The following ZFHX2 variants were observed in gnomAD, a reference collection of about 807,000 sequenced individuals.
ZFHX2 encodes the protein zinc finger homeobox protein 2.
A neutral mutation model predicts 164.8 loss-of-function variants in ZFHX2; 75 were observed. The ratio of observed to expected loss-of-function variants is 0.46; its 90% CI spans 0.38 to 0.55. The LOEUF is 0.55. Ranked by LOEUF, ZFHX2 falls within the 20% of genes least tolerant of loss-of-function variation. ZFHX2 has a pLI of 0.00. For missense variants in ZFHX2, 2,933 were observed against 3,308.0 expected (o/e 0.89, Z 2.78); for synonymous variants, 1,217 against 1,351.4 (o/e 0.90, Z 2.18).
intron 1 of ZFHX2, among the ~76,000 whole-genome samples, chr14:23,541,639 A>C (rs1005173865): frequency 6.6e-6 from 1 of 152,144 alleles, no homozygotes; most frequent in Non-Finnish European, 1.5e-5. Flanking sequence ...AGCCCTCTTG[A>C]TTGCTGGGTC....
At chr14:23,542,646 G>C (rs1880950229) in intron 1 of ZFHX2, among the ~76,000 whole-genome samples, 1 of 152,140 alleles carries the variant, frequency 6.6e-6, no homozygotes, top group South Asian at 2.1e-4. Flanking sequence ...TGAGCACTCA[G>C]GGAGTTGTCC....
In ZFHX2 at chr14:23,533,042, T is replaced by C; in HGVS notation, c.2084A>G (p.Gln695Arg). 1 of 1,534,784 alleles carries C rather than the reference T, an allele frequency of 6.5e-7. No homozygotes were observed. The highest frequency in any genetic ancestry group is 8.7e-7 in the Non-Finnish European group (1 of 1,145,986). Residue 695 changes from glutamine (Q) to arginine (R), a missense_variant, in exon 3 of 10, where the codon CAG (glutamine) becomes CGG (arginine). Physicochemically the swap from Gln to Arg is conservative, Grantham distance 43 (BLOSUM62 1). Coordinates refer to ENST00000419474, the MANE Select transcript of ZFHX2 (RefSeq NM_033400.3). This position sits in a 1 kb window ranked among gnomAD's most constrained non-coding sequence, Gnocchi z 4.8. The stretch of plus-strand genomic sequence containing the variant: ...GCTGTCAGATGAGGAACCCAGGAGC[T>C]GACTTGGAGGCAGGTGGGCATCAGG... ...LSPDAHLPPS[Q>R]LLGSSSDSLP... is the part of the protein sequence containing the mutation.
chr14:23,555,047 G>T (rs1049025394), upstream of ZFHX2, among the ~76,000 whole-genome samples: 1 of 152,138 alleles, frequency 6.6e-6, no homozygotes, highest in Admixed American at 6.5e-5. Flanking sequence ...GAGTGCAGTG[G>T]CGCCATCTCA....
Position 23,535,293 on chromosome 14 carries a change from A to G in ZFHX2, c.33T>C (p.Gly11=). The part of the protein sequence containing the change: MATLNSASTT[G]TTPSPGHNAP... ...CATTGTGCCCAGGGGAGGGGGTGGTACCAGTGGTAGAGGCTGAGTTAAGGG... is the reference window on the plus strand; with the variant it reads ...CATTGTGCCCAGGGGAGGGGGTGGTGCCAGTGGTAGAGGCTGAGTTAAGGG... The change falls in exon 2 of 10, where the codon GGT becomes GGC. Residue 11 remains glycine (G), a synonymous_variant. Coordinates refer to ENST00000419474, the MANE Select transcript of ZFHX2 (RefSeq NM_033400.3). This position sits in a 1 kb window ranked among gnomAD's most constrained non-coding sequence, Gnocchi z 4.5. 1 of 1,476,910 alleles carries G rather than the reference A, an allele frequency of 6.8e-7. No individual in the cohort carries two copies. The highest frequency in any genetic ancestry group is 9.0e-7 in the Non-Finnish European group (1 of 1,113,498). 91.5% of individuals were successfully genotyped at this position (1,476,910 alleles called of 1,614,324 possible). A position where few individuals can be genotyped will look rare whatever the true frequency, so the allele number is the denominator to read the frequency against.
chr14:23,552,822 G>A (rs1253130894), upstream of ZFHX2, among the ~76,000 whole-genome samples: 1 of 151,834 alleles, frequency 6.6e-6, no homozygotes, highest in Admixed American at 6.6e-5. Flanking sequence ...GGCTGGTCTC[G>A]AACTCCTGAC....
At chr14:23,530,216 T>C in intron 4 of ZFHX2, 22 bp from the exon 5 acceptor site, 7 of 1,504,988 alleles carry the variant, frequency 4.7e-6, no homozygotes, top group Non-Finnish European at 6.2e-6. Flanking sequence ...GGGGGGAGAG[T>C]CAGCTTAAAG....
chr14:23,554,724 A>ACTCACTGGTCATG (rs1211007777), upstream of ZFHX2, among the ~76,000 whole-genome samples: 17 of 152,102 alleles, frequency 1.1e-4, 1 homozygote, highest in African/African-American at 4.1e-4. Flanking sequence ...CCTTCTCCCT[A>ACTCACTGGTCATG]TAATACCTCT....
Position 23,534,669 on chromosome 14 carries a change from A to C in ZFHX2, c.657T>G (p.Asp219Glu), listed in dbSNP as rs1408843570. ...SYQLAPNPPG[D>E]PKDGPMGNSG... The stretch of plus-strand genomic sequence containing the variant: ...TGTTCCCCATGGGGCCATCTTTGGG[A>C]TCTCCGGGTGGATTTGGAGCCAGCT... The change falls in exon 2 of 10, where the codon GAT (aspartate) becomes GAG (glutamate). Residue 219 changes from aspartate to glutamate, a missense_variant. Coordinates refer to ENST00000419474, the MANE Select transcript of ZFHX2 (RefSeq NM_033400.3). This position sits in a 1 kb window ranked among gnomAD's most constrained non-coding sequence, Gnocchi z 4.5. The C allele has an allele frequency of 1.3e-6, 2 of 1,536,136 alleles. No individual in the cohort carries two copies. Among genetic ancestry groups the C allele is most frequent in the South Asian group, 2.4e-5 (2 of 84,062 alleles).
chr14:23,524,528 A>G lies in ZFHX2; in HGVS notation c.5414T>C (p.Leu1805Pro), dbSNP rs940397169. 1 of 1,526,926 alleles carries G rather than the reference A, an allele frequency of 6.5e-7. No individual in the cohort carries two copies. The highest frequency in any genetic ancestry group is 1.4e-5 in the African/African-American group (1 of 72,986). 94.6% of individuals were successfully genotyped at this position (1,526,926 alleles called of 1,614,324 possible). Residue 1805 changes from leucine to proline, a missense_variant, in exon 9 of 10, where the codon CTA becomes CCA. By Grantham distance (98) the Leu-to-Pro change is moderately conservative. Coordinates refer to ENST00000419474, the MANE Select transcript of ZFHX2 (RefSeq NM_033400.3). This position sits in a 1 kb window ranked among gnomAD's most constrained non-coding sequence, Gnocchi z 5.6. ...SLQPSAPPQL[L>P]DLPLLVFGER... Reference sequence around the variant, plus strand: ...CCCAAACACCAGCAAGGGCAGATCTAGGAGTTGGGGGGGAGCACTGGGCTG... The same window carrying G: ...CCCAAACACCAGCAAGGGCAGATCTGGGAGTTGGGGGGGAGCACTGGGCTG...
At chr14:23,545,608 T>G (rs765588552) in intron 1 of ZFHX2, among the ~76,000 whole-genome samples, 25 of 152,150 alleles carry the variant, frequency 1.6e-4, no homozygotes, top group Non-Finnish European at 3.4e-4. Context: ...TCAAGTGCAC[T>G]TCTTTCCCTA....
At chr14:23,554,564 T>C (rs1413192026), upstream of ZFHX2, among the ~76,000 whole-genome samples, 3 of 151,966 alleles carry the variant, frequency 2.0e-5, no homozygotes, top group East Asian at 5.8e-4. Flanking sequence ...TTTTTTTTTT[T>C]TTTTGTAGAA....
At chr14:23,530,517 G>A (rs967877048) in intron 4 of ZFHX2, 9 of 546,434 alleles carry the variant, frequency 1.6e-5, no homozygotes, top group South Asian at 4.8e-5. Context: ...GAAATGGGAA[G>A]CCCCAGAGAA....
At chr14:23,537,777 G>A (rs936540232) in intron 1 of ZFHX2, among the ~76,000 whole-genome samples, 2 of 152,160 alleles carry the variant, frequency 1.3e-5, no homozygotes, top group South Asian at 2.1e-4. Context: ...AATCCATGGT[G>A]GGGGAGAGGG....
In ZFHX2 at chr14:23,524,028, T is replaced by C; in HGVS notation, c.5914A>G (p.Thr1972Ala). 1 of 1,515,126 alleles carries C rather than the reference T, an allele frequency of 6.6e-7. No individual in the cohort carries two copies. The highest frequency in any genetic ancestry group is 8.8e-7 in the Non-Finnish European group (1 of 1,135,578). The allele number at this position is 1,515,126 out of a possible 1,614,324, so 93.9% of individuals were successfully genotyped here. ...EAPAFPYPTA[T>A]LASGPQPFLP... The stretch of plus-strand genomic sequence containing the variant: ...AAAGGCTGGGGCCCAGAAGCAAGCG[T>C]GGCAGTGGGGTAGGGAAAAGCAGGT... Residue 1972 changes from threonine to alanine, a missense_variant, in exon 9 of 10, where the codon ACG becomes GCG. Transcript: ENST00000419474. This position sits in a 1 kb window ranked among gnomAD's most constrained non-coding sequence, Gnocchi z 5.6.
At chr14:23,543,143 T>C (rs1225959098) in intron 1 of ZFHX2, 2 of 152,252 alleles carry the variant, frequency 1.3e-5, no homozygotes, top group South Asian at 2.1e-4. Context: ...CTAATTGTAA[T>C]AATAGTAAAT....
Position 23,532,712 on chromosome 14 carries a change from G to A in ZFHX2, c.2414C>T (p.Ala805Val). ...ATAAGGAGCCCCATCTCCCAGGGAT[G>A]CTGGGGAAGGGGTGCCCATGGCTCC... ...GGGAMGTPSP[A>V]SLGDGAPYGS... is the part of the protein sequence containing the mutation. The change falls in exon 3 of 10, where the codon GCA (alanine) becomes GTA (valine). Residue 805 changes from alanine to valine, a missense_variant. Coordinates refer to ENST00000419474, the MANE Select transcript of ZFHX2 (RefSeq NM_033400.3). 1.2e-5 allele frequency: 19 copies of A among 1,534,404 alleles called. No individual in the cohort carries two copies. Among genetic ancestry groups the A allele is most frequent in the Non-Finnish European group, 1.7e-5 (19 of 1,145,856 alleles).
chr14:23,523,516 T>G lies in ZFHX2; in HGVS notation c.6426A>C (p.Ala2142=), dbSNP rs902437302. 6 of 1,536,300 alleles carry G rather than the reference T, an allele frequency of 3.9e-6. No individual in the cohort carries two copies. The highest frequency in any genetic ancestry group is 5.2e-6 in the Non-Finnish European group (6 of 1,146,900). ...AATAGGGGCAGTCAGTGCGCTGGGC[T>G]GCTAAGAGGCCCTCACTGCTGCCCC... ...STGGSSEGLL[A]AQRTDCPYCD... is the part of the protein sequence containing the mutation. Residue 2142 remains alanine (A), a synonymous_variant, in exon 9 of 10, where the codon GCA becomes GCC. Transcript: ENST00000419474. This position sits in a 1 kb window ranked among gnomAD's most constrained non-coding sequence, Gnocchi z 4.1.
rs1879880104 is a variant in ZFHX2 at position 23,534,024 on chromosome 14, G to A, written c.1302C>T (p.Gly434=). The A allele has an allele frequency of 1.3e-6, 2 of 1,536,570 alleles. No homozygotes were observed. The highest frequency in any genetic ancestry group is 1.7e-6 in the Non-Finnish European group (2 of 1,146,606). ...GGGACATGTGGCTGGACAGGCTGAG[G>A]CCCTGGAAGGCTGCAGGGGCTGGGG... is the stretch of plus-strand genomic sequence containing the variant. ...DYTPAPAAFQ[G]LSLSSHMSLL... The change falls in exon 2 of 10, where the codon GGC becomes GGT. Residue 434 remains glycine, a synonymous_variant. Transcript: ENST00000419474. The surrounding 1 kb of genome is among the most constrained non-coding windows in gnomAD (Gnocchi z 4.5).
At chr14:23,528,065 G>A (rs142263521) in intron 6 of ZFHX2, among the ~76,000 whole-genome samples, 6 of 152,162 alleles carry the variant, frequency 3.9e-5, no homozygotes, top group South Asian at 2.1e-4. Context: ...GTGCAACCAC[G>A]CCCAGCTAAT....
Sources: gnomAD v4.1 joint callset for allele counts (sites outside exome capture counted in the v4.1 genomes callset) on GRCh38, gnomAD v4.1.1 for gene constraint, Gnocchi (gnomAD v3.1) non-coding constraint, MANE v1.5 for transcripts, NCBI Gene and HGNC (gene_info 2026-07-23, HGNC 2026-07-21) for gene names.